Variants in NMNAT3 observed in about 807,000 individuals in gnomAD.
NMNAT3 encodes nicotinamide/nicotinic acid mononucleotide adenylyltransferase 3.
NMNAT3 carries 21 observed loss-of-function variants against 24.8 expected under a neutral mutation model. That is an observed-to-expected ratio of 0.85 (90% CI 0.60 to 1.22). The LOEUF is 1.22. NMNAT3 is among the 50% of genes most tolerant of loss of function. The probability of loss-of-function intolerance (pLI) is 0.00; values close to 1 mark genes in which losing one functional copy is unlikely to be tolerated. For synonymous variants in NMNAT3, 136 were observed against 155.2 expected, an observed-to-expected ratio of 0.88 and a Z score of 0.92; for missense variants, 387 against 436.6, an observed-to-expected ratio of 0.89 and a Z score of 1.01.
chr3:139,621,445 C>T (rs888029656), intron 3 of NMNAT3, among the ~76,000 whole-genome samples: 4 of 152,160 alleles, frequency 2.6e-5, no homozygotes, highest in East Asian at 1.9e-4. Context: ...GACATGATCT[C>T]GGCTCACTGC....
At chr3:139,620,546 C>G (rs1176328231) in intron 3 of NMNAT3, among the ~76,000 whole-genome samples, 2 of 152,136 alleles carry the variant, frequency 1.3e-5, no homozygotes, top group East Asian at 1.9e-4. Flanking sequence ...AAACCACAAT[C>G]TGTTTAACTA....
intron 1 of NMNAT3, among the ~76,000 whole-genome samples, chr3:139,662,433 G>T (rs1423306508): frequency 6.6e-6 from 1 of 152,180 alleles, no homozygotes; most frequent in African/African-American, 2.4e-5. Context: ...GTCACAGAGT[G>T]CCTGGCCCAT....
At chr3:139,586,916 G>C (rs569255016) in intron 3 of NMNAT3, among the ~76,000 whole-genome samples, 1 of 152,320 alleles carries the variant, frequency 6.6e-6, no homozygotes, top group African/African-American at 2.4e-5. Flanking sequence ...TGTGGTGACA[G>C]TTTAGACAGG....
intron 3 of NMNAT3, among the ~76,000 whole-genome samples, chr3:139,626,714 T>G (rs1413944744): frequency 1.3e-5 from 2 of 152,088 alleles, no homozygotes; most frequent in African/African-American, 4.8e-5. Flanking sequence ...CTTTTACTTT[T>G]TCAATAAAAA....
chr3:139,626,792 A>T (rs1559926041), intron 3 of NMNAT3, among the ~76,000 whole-genome samples: 1 of 152,180 alleles, frequency 6.6e-6, no homozygotes, highest in Non-Finnish European at 1.5e-5. Flanking sequence ...CTTTGAAGAA[A>T]TAATTTCCAT....
At chr3:139,581,828 G>C (rs2053632146) in intron 4 of NMNAT3, among the ~76,000 whole-genome samples, 1 of 152,032 alleles carries the variant, frequency 6.6e-6, no homozygotes, top group East Asian at 1.9e-4. Context: ...ACACATATGA[G>C]ACAACTTTAA....
chr3:139,661,216 G>A (rs1271043288), intron 1 of NMNAT3, among the ~76,000 whole-genome samples: 2 of 152,286 alleles, frequency 1.3e-5, no homozygotes, highest in East Asian at 3.9e-4. Flanking sequence ...TCAGAATCAA[G>A]TCTGGTGATA....
rs767783839 is a variant in NMNAT3 at position 139,561,296 on chromosome 3, T to A, written c.755A>T (p.Glu252Val). ...GCCCACGCACACCAAGCCAAACTTCTCCACTATTTCCTGGATGTGCGCATC... is the reference window on the plus strand; with the variant it reads ...GCCCACGCACACCAAGCCAAACTTCACCACTATTTCCTGGATGTGCGCATC... Residue 252 changes from glutamate (E) to valine (V), a missense_variant, in exon 7 of 7, where the codon GAG becomes GTG. By Grantham distance (121) the Glu-to-Val change is moderately radical (BLOSUM62 -2). Around this residue, in one of 3 missense-constraint regions of NMNAT3, gnomAD observed 323 missense variants for 345.2 expected, o/e 0.94. Coordinates refer to ENST00000643695, the MANE Select transcript of NMNAT3 (RefSeq NM_001320510.2). The A allele has an allele frequency of 1.2e-6, 2 of 1,614,010 alleles. No homozygotes were observed. The highest frequency in any genetic ancestry group is 1.7e-6 in the Non-Finnish European group (2 of 1,179,978).
chr3:139,565,064 C>T (rs939829876), intron 6 of NMNAT3, among the ~76,000 whole-genome samples: 5 of 152,100 alleles, frequency 3.3e-5, no homozygotes, highest in African/African-American at 1.2e-4. Flanking sequence ...TTTTTTTCCA[C>T]TTCCTTCATA....
chr3:139,565,425 A>G (rs1467130656), intron 6 of NMNAT3: 1 of 152,166 alleles, frequency 6.6e-6, no homozygotes, highest in East Asian at 1.9e-4. Flanking sequence ...GGTTTGTTAC[A>G]TACGTATACA....
At chr3:139,573,715 G>T in intron 5 of NMNAT3, 35 bp from the exon 6 acceptor site, 1 of 1,280,046 alleles carries the variant, frequency 7.8e-7, no homozygotes, top group Non-Finnish European at 1.1e-6. Context: ...GGGTATGTCT[G>T]TCCTCCAGCC....
chr3:139,657,661 G>A (rs2057290018), intron 1 of NMNAT3, among the ~76,000 whole-genome samples: 1 of 152,070 alleles, frequency 6.6e-6, no homozygotes. Flanking sequence ...TCATGGGGAA[G>A]TGTGACATGA....
chr3:139,636,408 C>T (rs1237430484), intron 2 of NMNAT3: 1 of 152,100 alleles, frequency 6.6e-6, no homozygotes, highest in Non-Finnish European at 1.5e-5. Flanking sequence ...ACTCAGGACT[C>T]TGGATGGCTG....
intron 1 of NMNAT3, among the ~76,000 whole-genome samples, chr3:139,669,052 C>G (rs2057672447): frequency 6.6e-6 from 1 of 152,098 alleles, no homozygotes; most frequent in Non-Finnish European, 1.5e-5. Context: ...GGAGTATGGC[C>G]TTTATTTGTA....
intron 3 of NMNAT3, among the ~76,000 whole-genome samples, chr3:139,624,540 C>T (rs912542324): frequency 6.6e-6 from 1 of 151,886 alleles, no homozygotes; most frequent in African/African-American, 2.4e-5. Context: ...CTCTGCCTCT[C>T]GGATTCAAGC....
chr3:139,624,955 C>G (rs572114577), intron 3 of NMNAT3, among the ~76,000 whole-genome samples: 2 of 152,292 alleles, frequency 1.3e-5, no homozygotes, highest in South Asian at 4.1e-4. Flanking sequence ...ATAGCTGACT[C>G]TAAATGTGGG....
At chr3:139,635,190 A>T (rs186956014) in intron 2 of NMNAT3, 2 of 152,280 alleles carry the variant, frequency 1.3e-5, no homozygotes, top group Non-Finnish European at 2.9e-5. Flanking sequence ...TGTTTGAAAA[A>T]GACCTCCCAT....
At chr3:139,587,805 T>C (rs899644603) in intron 3 of NMNAT3, among the ~76,000 whole-genome samples, 8 of 152,198 alleles carry the variant, frequency 5.3e-5, no homozygotes, top group African/African-American at 1.9e-4. Flanking sequence ...AAATGGGGGT[T>C]GGGAGGACTA....
chr3:139,654,397 A>G (rs911005168), intron 1 of NMNAT3, among the ~76,000 whole-genome samples: 6 of 152,226 alleles, frequency 3.9e-5, no homozygotes, highest in Non-Finnish European at 8.8e-5. Flanking sequence ...TTACAAAGCA[A>G]GGGCAAAAGT....
Sources: allele counts gnomAD v4.1 joint callset (sites outside exome capture counted in the v4.1 genomes callset), GRCh38; gene constraint gnomAD v4.1.1; regional missense constraint gnomAD v4.1.1; transcripts MANE v1.5; gene names NCBI Gene and HGNC (gene_info 2026-07-23, HGNC 2026-07-21).